SPRED2: variants seen among roughly 807,000 people sequenced by gnomAD.
The protein encoded by SPRED2 is sprouty related EVH1 domain containing 2, also known as sprouty-related, EVH1 domain-containing protein 2.
Under a neutral mutation model 43.0 loss-of-function variants are expected in SPRED2, and 47 were observed. The ratio of observed to expected loss-of-function variants is 1.09; its 90% CI spans 0.87 to 1.40. The LOEUF (loss-of-function observed/expected upper bound fraction) is 1.40. Among genes scored for constraint, SPRED2 ranks in the 40% most tolerant of loss-of-function variants. SPRED2 has a pLI of 0.00. For synonymous variants in SPRED2, 225 were observed against 225.7 expected (o/e 1.00, Z 0.03); for missense variants, 561 against 586.4 (o/e 0.96, Z 0.45).
intron 1 of SPRED2, among the ~76,000 whole-genome samples, chr2:65,372,114 T>A (rs1360575026): frequency 6.6e-6 from 1 of 151,608 alleles, no homozygotes; most frequent in Non-Finnish European, 1.5e-5. Flanking sequence ...AATGTAAGGA[T>A]CTTTCAGAGC....
At chr2:65,426,702 A>G (rs565784697) in intron 1 of SPRED2, among the ~76,000 whole-genome samples, 3 of 152,356 alleles carry the variant, frequency 2.0e-5, no homozygotes, top group African/African-American at 7.2e-5. Context: ...TGGGGGCATG[A>G]GCAGAATGTC....
chr2:65,310,320 C>G (rs1003289801), downstream of SPRED2, among the ~76,000 whole-genome samples: 1 of 152,034 alleles, frequency 6.6e-6, no homozygotes, highest in African/African-American at 2.4e-5. Flanking sequence ...TTATTTCCTC[C>G]TGGGGATTGT....
intron 1 of SPRED2, among the ~76,000 whole-genome samples, chr2:65,389,477 CT>C (rs1223088422): frequency 6.6e-6 from 1 of 152,146 alleles, no homozygotes; most frequent in Non-Finnish European, 1.5e-5. Context: ...CAAATTTAAA[CT>C]TTGTTTTAGC....
At chr2:65,324,000 A>G (rs549041200) in intron 4 of SPRED2, among the ~76,000 whole-genome samples, 21 of 151,942 alleles carry the variant, frequency 1.4e-4, no homozygotes, top group African/African-American at 4.8e-4. Flanking sequence ...GGAAGAGGCA[A>G]GGCCAGGTGA....
At chr2:65,387,397 G>A (rs927311031) in intron 1 of SPRED2, among the ~76,000 whole-genome samples, 1 of 152,192 alleles carries the variant, frequency 6.6e-6, no homozygotes, top group Non-Finnish European at 1.5e-5. Flanking sequence ...TTTGTAACAC[G>A]GATCAGCTGG....
At chr2:65,412,053 AG>A (rs1676173307) in intron 1 of SPRED2, among the ~76,000 whole-genome samples, 1 of 151,828 alleles carries the variant, frequency 6.6e-6, no homozygotes, top group African/African-American at 2.4e-5. Flanking sequence ...GCATGAACCC[AG>A]GAGGCAGAGC....
chr2:65,314,083 C>CA lies in SPRED2; in HGVS notation c.674dup (p.Met225IlefsTer39). 1 of 1,613,934 alleles carries CA rather than the reference C, an allele frequency of 6.2e-7. No individual in the cohort carries two copies. The highest frequency in any genetic ancestry group is 8.5e-7 in the Non-Finnish European group (1 of 1,179,800). The stretch of plus-strand genomic sequence containing the variant: ...CGTGCCGGTAATCCTCGTACCCCGT[C>CA]ATCCAGATCTTCTCCCGGGGGTTGA... On this transcript the variant is annotated frameshift_variant, in exon 6 of 6. Coordinates refer to ENST00000356388, the MANE Select transcript of SPRED2 (RefSeq NM_181784.3). LOFTEE classifies it high-confidence loss of function.
chr2:65,431,573 A>G (rs1205688743), intron 1 of SPRED2, among the ~76,000 whole-genome samples: 1 of 152,182 alleles, frequency 6.6e-6, no homozygotes, highest in Admixed American at 6.5e-5. Flanking sequence ...CGGGAGTCAC[A>G]AAGTCACTGT....
At chr2:65,429,583 C>A (rs1328770892) in intron 1 of SPRED2, among the ~76,000 whole-genome samples, 1 of 152,226 alleles carries the variant, frequency 6.6e-6, no homozygotes, top group East Asian at 1.9e-4. Flanking sequence ...CTTACTGTCA[C>A]TAACATTTAA....
chr2:65,311,271 A>G lies in SPRED2; in HGVS notation c.*2230T>C, dbSNP rs1335030430. 1.5e-5 allele frequency: 15 copies of G among 985,892 alleles called. No homozygotes were observed. Among genetic ancestry groups the G allele is most frequent in the Non-Finnish European group, 1.8e-5 (15 of 829,942 alleles). 61.1% of individuals were successfully genotyped at this position (985,892 alleles called of 1,614,324 possible). On this transcript the variant is annotated 3_prime_UTR_variant, in exon 6 of 6. Transcript: ENST00000356388. Reference sequence around the variant, plus strand: ...GTGTGGCAATTAGAGACGTATTTACATAAATGTCCCCATGGCTGTCTTTGT... The same window carrying G: ...GTGTGGCAATTAGAGACGTATTTACGTAAATGTCCCCATGGCTGTCTTTGT...
intron 1 of SPRED2, among the ~76,000 whole-genome samples, chr2:65,360,075 A>AC (rs1558668191): frequency 1.0e-5 from 1 of 96,706 alleles, no homozygotes; most frequent in Admixed American, 1.3e-4. Flanking sequence ...AAAAAAAAAA[A>AC]AAACAAAAAA....
intron 1 of SPRED2, among the ~76,000 whole-genome samples, chr2:65,421,031 G>A (rs1158504062): frequency 1.3e-5 from 2 of 152,058 alleles, no homozygotes; most frequent in African/African-American, 2.4e-5. Flanking sequence ...CAGCCTTTCC[G>A]TGCATACATG....
At position 65,311,344 on chromosome 2, in the gene SPRED2, ATC is replaced by A. The variant is rs1673062339; in HGVS notation, c.*2155_*2156del. ...AACCAAAAAGTATACGTGGAGTAAG[ATC>A]TGCTAGCGTAACTCTTAAAAGGGTG... On this transcript the variant is annotated 3_prime_UTR_variant, in exon 6 of 6. Coordinates refer to ENST00000356388, the MANE Select transcript of SPRED2 (RefSeq NM_181784.3). The A allele has an allele frequency of 1.0e-5, 10 of 985,682 alleles. 1 individual carries two copies. The African/African-American group carries it at 1.6e-4, about 16-fold the overall frequency. 61.1% of individuals were successfully genotyped at this position (985,682 alleles called of 1,614,324 possible). A position where few individuals can be genotyped will look rare whatever the true frequency, so the allele number is the denominator to read the frequency against.
chr2:65,360,093 A>C (rs1221038386), intron 1 of SPRED2, among the ~76,000 whole-genome samples: 1 of 29,248 alleles, frequency 3.4e-5, no homozygotes, highest in African/African-American at 9.3e-5. Flanking sequence ...AAAAAACAAA[A>C]AAAAAACAAA....
intron 1 of SPRED2, among the ~76,000 whole-genome samples, chr2:65,347,582 T>C (rs908860517): frequency 2.0e-5 from 3 of 152,152 alleles, no homozygotes; most frequent in South Asian, 2.1e-4. Flanking sequence ...GTACCAGCAC[T>C]CTCTCCGCCC....
In SPRED2 at chr2:65,387,902, C is replaced by T. The variant is rs913072092; in HGVS notation, c.27-43006G>A. On this transcript the variant is annotated intron_variant, in intron 1 of 5. Transcript: ENST00000356388. ...CCGCCTCCCACATTCAAGCGATTCT[C>T]CTGCCTCCGCCTCCCAAGTAGCTGG... Among the ~76,000 whole-genome samples the T allele has an allele frequency of 2.6e-5, 4 of 152,012 alleles. No homozygotes were observed. The South Asian group carries it at 8.3e-4, about 32-fold the overall frequency.
At chr2:65,378,724 A>C (rs561649289) in intron 1 of SPRED2, among the ~76,000 whole-genome samples, 11 of 152,358 alleles carry the variant, frequency 7.2e-5, no homozygotes, top group African/African-American at 2.6e-4. Context: ...TTTTCATTCC[A>C]TCAACTAACA....
intron 2 of SPRED2, among the ~76,000 whole-genome samples, chr2:65,339,068 G>A (rs1259180394): frequency 1.6e-5 from 2 of 122,810 alleles, no homozygotes; most frequent in African/African-American, 3.4e-5. Flanking sequence ...GCCCCCCGCC[G>A]GGCCAGCCGC....
chr2:65,362,135 C>A (rs969449451), intron 1 of SPRED2, among the ~76,000 whole-genome samples: 4 of 152,194 alleles, frequency 2.6e-5, no homozygotes, highest in Non-Finnish European at 5.9e-5. Context: ...GATGATGCAG[C>A]TAACTGTCTG....
Sources: allele counts gnomAD v4.1 joint callset (sites outside exome capture counted in the v4.1 genomes callset), GRCh38; gene constraint gnomAD v4.1.1; transcripts MANE v1.5; gene names NCBI Gene and HGNC (gene_info 2026-07-23, HGNC 2026-07-21).